G3BP1: variants seen among roughly 807,000 people sequenced by gnomAD.
The protein encoded by G3BP1 is ras GTPase-activating protein-binding protein 1.
A neutral mutation model predicts 58.6 loss-of-function variants in G3BP1; 35 were observed. The observed-to-expected ratio is 0.60, with a 90% CI of 0.46 to 0.79. The LOEUF is 0.79. Ranked by LOEUF, G3BP1 falls within the 30% of genes least tolerant of loss-of-function variation. G3BP1 has a pLI of 0.00. For missense variants in G3BP1, 523 were observed against 580.8 expected (o/e 0.90, Z 1.02); for synonymous variants, 191 against 195.4 (o/e 0.98, Z 0.19).
rs1188724161 is a variant in G3BP1 at position 151,808,534 on chromosome 5, C to T, written c.*4443C>T. 6 of 152,164 alleles carry T rather than the reference C, an allele frequency of 3.9e-5. No individual in the cohort carries two copies. The highest frequency in any genetic ancestry group is 2.9e-5 in the Non-Finnish European group (2 of 68,024). 9.4% of individuals were successfully genotyped at this position (152,164 alleles called of 1,614,324 possible). ...TTCTCTCCACAGTTTCTACTTGAAC[C>T]TAGTAGCTTATTTTAATTCCCTGTA... On this transcript the variant is annotated 3_prime_UTR_variant, in exon 12 of 12. Coordinates refer to ENST00000356245, the MANE Select transcript of G3BP1 (RefSeq NM_005754.3).
intron 1 of G3BP1, among the ~76,000 whole-genome samples, chr5:151,784,375 A>G (rs1182551270): frequency 6.6e-6 from 1 of 152,144 alleles, no homozygotes; most frequent in African/African-American, 2.4e-5. Context: ...ATCTTAATCT[A>G]AATGCTGGAA....
rs1763030950 is a variant in G3BP1 at position 151,812,500 on chromosome 5, GTATC to G, written c.*8412_*8415del. 1 of 152,206 alleles carries G rather than the reference GTATC, an allele frequency of 6.6e-6. No homozygotes were observed. Among genetic ancestry groups the G allele is most frequent in the East Asian group, 1.9e-4 (1 of 5,194 alleles). 9.4% of individuals were successfully genotyped at this position (152,206 alleles called of 1,614,324 possible). A position where few individuals can be genotyped will look rare whatever the true frequency, so the allele number is the denominator to read the frequency against. On this transcript the variant is annotated 3_prime_UTR_variant, in exon 12 of 12. Coordinates refer to ENST00000356245, the MANE Select transcript of G3BP1 (RefSeq NM_005754.3). ...GACAAAGGGTGCATCTTTTGTGCAA[GTATC>G]TAAGCGGGCAAAATGGGGAAAACAT...
chr5:151,802,265 C>G (rs1171415550), intron 11 of G3BP1, among the ~76,000 whole-genome samples: 1 of 152,148 alleles, frequency 6.6e-6, no homozygotes. Flanking sequence ...TTTATCTCAC[C>G]AAAGCCACTG....
In G3BP1 at chr5:151,807,437, G is replaced by GACTC. The variant is rs1762953072; in HGVS notation, c.*3347_*3348insCTCA. The GACTC allele has an allele frequency of 6.6e-6, 1 of 152,290 alleles. No individual in the cohort carries two copies. The highest frequency in any genetic ancestry group is 1.9e-4 in the East Asian group (1 of 5,186). 9.4% of individuals were successfully genotyped at this position (152,290 alleles called of 1,614,324 possible). A position where few individuals can be genotyped will look rare whatever the true frequency, so the allele number is the denominator to read the frequency against. On this transcript the variant is annotated 3_prime_UTR_variant, in exon 12 of 12. Coordinates refer to ENST00000356245, the MANE Select transcript of G3BP1 (RefSeq NM_005754.3). Reference sequence around the variant, plus strand: ...GAGACTTGAGTCTGGAATACATTCAGAACAAGGTTAACATTACAGTTCTTA... The same window carrying GACTC: ...GAGACTTGAGTCTGGAATACATTCAGACTCAACAAGGTTAACATTACAGTTCTTA...
At chr5:151,785,479 G>A (rs1480586106) in intron 1 of G3BP1, among the ~76,000 whole-genome samples, 2 of 151,854 alleles carry the variant, frequency 1.3e-5, no homozygotes, top group Admixed American at 6.6e-5. Context: ...TCTTTTCTGC[G>A]GTAGTTAAAT....
At position 151,810,950 on chromosome 5, in the gene G3BP1, A is replaced by G. The variant is rs1156421217; in HGVS notation, c.*6859A>G. 2 of 152,186 alleles carry G rather than the reference A, an allele frequency of 1.3e-5. No individual in the cohort carries two copies. Among genetic ancestry groups the G allele is most frequent in the South Asian group, 2.1e-4 (1 of 4,832 alleles). The allele number at this position is 152,186 out of a possible 1,614,324, so 9.4% of individuals were successfully genotyped here. A position where few individuals can be genotyped will look rare whatever the true frequency, so the allele number is the denominator to read the frequency against. ...AGTATATCCCAGACAGTTTGTTTCTATGCAGAAGAATTTTATATGAAATTT... is the reference window on the plus strand; with the variant it reads ...AGTATATCCCAGACAGTTTGTTTCTGTGCAGAAGAATTTTATATGAAATTT... On this transcript the variant is annotated 3_prime_UTR_variant, in exon 12 of 12. Transcript: ENST00000356245.
chr5:151,784,921 C>T (rs1443587039), intron 1 of G3BP1, among the ~76,000 whole-genome samples: 1 of 152,158 alleles, frequency 6.6e-6, no homozygotes, highest in Non-Finnish European at 1.5e-5. Flanking sequence ...AATGTTGAAA[C>T]TTAACTTCAG....
chr5:151,803,993 C>A lies in G3BP1; in HGVS notation c.1303C>A (p.Arg435=). 6.2e-7 allele frequency: 1 copy of A among 1,613,458 alleles called. No homozygotes were observed. The highest frequency in any genetic ancestry group is 1.1e-5 in the South Asian group (1 of 90,986). The change falls in exon 12 of 12, where the codon CGA becomes AGA. Residue 435 remains arginine (R), a synonymous_variant. Coordinates refer to ENST00000356245, the MANE Select transcript of G3BP1 (RefSeq NM_005754.3). ...DNRLRGPGGP[R]GGLGGGMRGP... The stretch of plus-strand genomic sequence containing the variant: ...TCGCCTTCGGGGACCTGGAGGCCCT[C>A]GAGGTGGGCTGGGTGGTGGAATGAG...
At chr5:151,774,616 G>A (rs762886614) in intron 1 of G3BP1, among the ~76,000 whole-genome samples, 2 of 150,796 alleles carry the variant, frequency 1.3e-5, no homozygotes, top group Non-Finnish European at 2.9e-5. Context: ...ATTTAAATAG[G>A]CATTGTATGT....
rs1456488847 is a variant in G3BP1, at chr5:151,790,416, A to G, written c.177+12A>G. 6.6e-7 allele frequency: 1 copy of G among 1,507,114 alleles called. No individual in the cohort carries two copies. Among genetic ancestry groups the G allele is most frequent in the Non-Finnish European group, 9.1e-7 (1 of 1,104,062 alleles). 93.4% of individuals were successfully genotyped at this position (1,507,114 alleles called of 1,614,324 possible). A position where few individuals can be genotyped will look rare whatever the true frequency, so the allele number is the denominator to read the frequency against. On this transcript the variant is annotated intron_variant, in intron 3 of 11. Coordinates refer to ENST00000356245, the MANE Select transcript of G3BP1 (RefSeq NM_005754.3). ...TCTACGGACAGAAAGTAAGCATTTC[A>G]AGCCTTATTTAGGCTGTTAAGCAGG... is the stretch of plus-strand genomic sequence containing the variant.
chr5:151,798,354 C>T (rs973223836), intron 7 of G3BP1, among the ~76,000 whole-genome samples: 6 of 151,792 alleles, frequency 4.0e-5, no homozygotes, highest in African/African-American at 1.5e-4. Context: ...GTCACAAGAA[C>T]AAAACCATAA....
At position 151,811,570 on chromosome 5, in the gene G3BP1, C is replaced by T. The variant is rs1289573378; in HGVS notation, c.*7479C>T. On this transcript the variant is annotated 3_prime_UTR_variant, in exon 12 of 12. Transcript: ENST00000356245. ...GTATATGGATGGTTCAATAAATATA[C>T]TTTTATATACATGTTTCACAGAAAT... 1 of 151,796 alleles carries T rather than the reference C, an allele frequency of 6.6e-6. No homozygotes were observed. The highest frequency in any genetic ancestry group is 1.9e-4 in the East Asian group (1 of 5,200). The allele number at this position is 151,796 out of a possible 1,614,324, so 9.4% of individuals were successfully genotyped here. A position where few individuals can be genotyped will look rare whatever the true frequency, so the allele number is the denominator to read the frequency against.
At chr5:151,793,148 G>A (rs1038602355) in intron 4 of G3BP1, among the ~76,000 whole-genome samples, 7 of 150,660 alleles carry the variant, frequency 4.6e-5, no homozygotes, top group Admixed American at 2.6e-4. Flanking sequence ...TTACTCTGTC[G>A]CCCAGGCTGG....
intron 1 of G3BP1, among the ~76,000 whole-genome samples, chr5:151,778,074 C>G (rs1762403072): frequency 1.3e-5 from 2 of 152,008 alleles, no homozygotes; most frequent in Non-Finnish European, 2.9e-5. Context: ...GTGTACAAGT[C>G]TTTGTATGGG....
chr5:151,790,900 GA>G lies in G3BP1; in HGVS notation c.192del (p.Val65Ter). 1 of 1,580,626 alleles carries G rather than the reference GA, an allele frequency of 6.3e-7. No individual in the cohort carries two copies. The highest frequency in any genetic ancestry group is 8.7e-7 in the Non-Finnish European group (1 of 1,153,416). ...ATTATTTTTTTAAGGAAATCCACAG[GA>G]AAGTGATGTCACAAAACTTCACCAA... ...AVYGQKEIHR[K>X]VMSQNFTNCH... On this transcript the variant is annotated frameshift_variant, in exon 4 of 12. Coordinates refer to ENST00000356245, the MANE Select transcript of G3BP1 (RefSeq NM_005754.3). LOFTEE classifies it high-confidence loss of function.
intron 7 of G3BP1, among the ~76,000 whole-genome samples, chr5:151,797,662 G>A (rs562175413): frequency 6.6e-6 from 1 of 152,244 alleles, no homozygotes; most frequent in South Asian, 2.1e-4. Flanking sequence ...TTGAATGCCT[G>A]TTAGACCAGA....
intron 1 of G3BP1, chr5:151,772,523 T>A (rs571897453): frequency 6.5e-6 from 1 of 152,834 alleles, no homozygotes; most frequent in South Asian, 2.1e-4. Context: ...AGAAGCGCCT[T>A]CGGTTTTGCA....
Position 151,786,587 on chromosome 5 carries a change from A to G in G3BP1, c.-34A>G, listed in dbSNP as rs1330921149. On this transcript the variant is annotated 5_prime_UTR_variant, in exon 2 of 12. Coordinates refer to ENST00000356245, the MANE Select transcript of G3BP1 (RefSeq NM_005754.3). ...GATCCTTCAGGTTTGGACATATTTG[A>G]CTCTTTTCCCCCCAGGTTGAATTGA... 2 of 1,337,650 alleles carry G rather than the reference A, an allele frequency of 1.5e-6. No homozygotes were observed. 82.9% of individuals were successfully genotyped at this position (1,337,650 alleles called of 1,614,324 possible).
chr5:151,797,459 TC>T, intron 7 of G3BP1, 31 bp downstream of exon 7: 1 of 1,563,972 alleles, frequency 6.4e-7, no homozygotes, highest in Non-Finnish European at 8.7e-7. Flanking sequence ...TTTATTCTAT[TC>T]CTAGTTATTT....
Sources: gnomAD v4.1 joint callset for allele counts (sites outside exome capture counted in the v4.1 genomes callset) on GRCh38, gnomAD v4.1.1 for gene constraint, MANE v1.5 for transcripts, NCBI Gene and HGNC (gene_info 2026-07-23, HGNC 2026-07-21) for gene names.